ANKIB1: variants seen among roughly 807,000 people sequenced by gnomAD.
ANKIB1 encodes the protein ankyrin repeat and IBR domain-containing protein 1.
ANKIB1 carries 43 observed loss-of-function variants against 122.1 expected under a neutral mutation model. The observed-to-expected ratio is 0.35, with a 90% confidence interval of 0.28 to 0.45. The LOEUF (loss-of-function observed/expected upper bound fraction) is 0.45, where lower values mean the gene tolerates loss of function less well. Ranked by LOEUF, ANKIB1 falls within the 20% of genes least tolerant of loss-of-function variation. The probability of loss-of-function intolerance (pLI) is 1.00; values close to 1 mark genes in which losing one functional copy is unlikely to be tolerated. For missense variants in ANKIB1, 992 were observed against 1,329.5 expected (o/e 0.75, Z 3.95); for synonymous variants, 390 against 442.0 (o/e 0.88, Z 1.48).
chr7:92,329,927 A>G (rs1297186324), intron 5 of ANKIB1, among the ~76,000 whole-genome samples: 1 of 152,122 alleles, frequency 6.6e-6, no homozygotes, highest in Non-Finnish European at 1.5e-5. Flanking sequence ...TACTGCCACT[A>G]TTGTGTTCTT....
chr7:92,345,733 T>C (rs1010494068), intron 7 of ANKIB1, among the ~76,000 whole-genome samples: 1 of 152,202 alleles, frequency 6.6e-6, no homozygotes, highest in South Asian at 2.1e-4. Context: ...AAGCTATTGT[T>C]TGATGACCTA....
intron 10 of ANKIB1, among the ~76,000 whole-genome samples, chr7:92,368,181 A>G (rs1348802513): frequency 6.6e-6 from 1 of 151,944 alleles, no homozygotes; most frequent in Non-Finnish European, 1.5e-5. Context: ...ATAAAAATTC[A>G]GTTTTTAAAA....
At chr7:92,310,315 A>G (rs1802665643) in intron 3 of ANKIB1, among the ~76,000 whole-genome samples, 1 of 152,112 alleles carries the variant, frequency 6.6e-6, no homozygotes, top group Non-Finnish European at 1.5e-5. Flanking sequence ...ATTAAATATA[A>G]AACATTCTAA....
chr7:92,290,689 C>T (rs1585090934), intron 1 of ANKIB1, among the ~76,000 whole-genome samples: 1 of 152,074 alleles, frequency 6.6e-6, no homozygotes, highest in Non-Finnish European at 1.5e-5. Context: ...TAAAAGATTT[C>T]TGGGAGTAGT....
chr7:92,354,231 A>G (rs551150803), intron 9 of ANKIB1, among the ~76,000 whole-genome samples: 2 of 152,358 alleles, frequency 1.3e-5, no homozygotes, highest in East Asian at 3.9e-4. Context: ...ATGATGCTAT[A>G]AACTGTAAAT....
At chr7:92,303,339 C>G (rs1281225630) in intron 2 of ANKIB1, among the ~76,000 whole-genome samples, 1 of 152,134 alleles carries the variant, frequency 6.6e-6, no homozygotes, top group Non-Finnish European at 1.5e-5. Flanking sequence ...CATTGGCACT[C>G]AAAACATTTC....
At position 92,398,424 on chromosome 7, in the gene ANKIB1, T is replaced by G. The variant is rs748581558; in HGVS notation, c.2745T>G (p.Leu915=). ...GGGCTGCATTGAGCAGCTCTGAGCT[T>G]TTGGAACTTGGTGACAGCCTCATGA... ...SPRAALSSSE[L]LELGDSLMRL... Residue 915 remains leucine, a synonymous_variant, in exon 20 of 20, where the codon CTT becomes CTG. Transcript: ENST00000265742. 10 of 1,613,722 alleles carry G rather than the reference T, an allele frequency of 6.2e-6. No homozygotes were observed. The South Asian group carries it at 1.1e-4, about 18-fold the overall frequency.
chr7:92,287,557 A>G (rs1802157170), intron 1 of ANKIB1, among the ~76,000 whole-genome samples: 1 of 152,136 alleles, frequency 6.6e-6, no homozygotes, highest in Non-Finnish European at 1.5e-5. Flanking sequence ...CAGAGTATTA[A>G]TCTCCTGTGC....
In ANKIB1 at chr7:92,327,765, T is replaced by G; in HGVS notation, c.670-18T>G. The G allele has an allele frequency of 1.4e-6, 2 of 1,409,298 alleles. No individual in the cohort carries two copies. Among genetic ancestry groups the G allele is most frequent in the Non-Finnish European group, 1.9e-6 (2 of 1,045,768 alleles). The allele number at this position is 1,409,298 out of a possible 1,614,324, so 87.3% of individuals were successfully genotyped here. A position where few individuals can be genotyped will look rare whatever the true frequency, so the allele number is the denominator to read the frequency against. ...TGAGTATAATGCCCATTTAACTTTA[T>G]TTTTTTTCTTTTCAAAGCCATATGA... On this transcript the variant is annotated intron_variant, in intron 4 of 19. Coordinates refer to ENST00000265742, the MANE Select transcript of ANKIB1 (RefSeq NM_019004.2).
At chr7:92,349,977 C>G (rs60063984) in intron 7 of ANKIB1, among the ~76,000 whole-genome samples, 5,043 of 147,882 alleles carry the variant, frequency 0.034, 249 homozygotes, top group African/African-American at 0.11. Context: ...GAGTTTGAGA[C>G]CAACCTAGGC....
chr7:92,378,353 G>C (rs1488631913), intron 11 of ANKIB1, among the ~76,000 whole-genome samples: 1 of 151,878 alleles, frequency 6.6e-6, no homozygotes, highest in African/African-American at 2.4e-5. Context: ...CTGATTTTTA[G>C]ATTAGGGATG....
At chr7:92,257,922 A>G (rs1252327407) in intron 1 of ANKIB1, among the ~76,000 whole-genome samples, 2 of 152,134 alleles carry the variant, frequency 1.3e-5, no homozygotes, top group East Asian at 1.9e-4. Flanking sequence ...ATCTTTCTCT[A>G]TTTCTGTAAG....
intron 4 of ANKIB1, 73 bp downstream of exon 4, chr7:92,319,585 T>G (rs1169780977): frequency 7.1e-7 from 1 of 1,405,830 alleles, no homozygotes; most frequent in Non-Finnish European, 9.8e-7. Flanking sequence ...GTATTTTTCT[T>G]CTTTAAAACT....
chr7:92,252,204 G>A (rs189771458), intron 1 of ANKIB1, among the ~76,000 whole-genome samples: 11 of 152,236 alleles, frequency 7.2e-5, no homozygotes, highest in Non-Finnish European at 1.3e-4. Context: ...ATTAGTGTTT[G>A]TGGAGATGTA....
chr7:92,327,144 A>T (rs1024133347), intron 4 of ANKIB1, among the ~76,000 whole-genome samples: 1 of 152,216 alleles, frequency 6.6e-6, no homozygotes, highest in Admixed American at 6.5e-5. Context: ...TACTTTTTGT[A>T]TAATCCAAAA....
chr7:92,342,748 C>T (rs1052357796), intron 5 of ANKIB1, among the ~76,000 whole-genome samples: 1 of 152,066 alleles, frequency 6.6e-6, no homozygotes, highest in Non-Finnish European at 1.5e-5. Context: ...TTGTGAGTGA[C>T]CTGTTTTGAT....
chr7:92,269,832 A>G (rs995466221), intron 1 of ANKIB1, among the ~76,000 whole-genome samples: 1 of 151,738 alleles, frequency 6.6e-6, no homozygotes, highest in African/African-American at 2.4e-5. Context: ...GTTCTAGGGT[A>G]CATGTGTACA....
At chr7:92,290,695 G>A (rs534251443) in intron 1 of ANKIB1, among the ~76,000 whole-genome samples, 1 of 152,306 alleles carries the variant, frequency 6.6e-6, no homozygotes, top group South Asian at 2.1e-4. Flanking sequence ...ATTTCTGGGA[G>A]TAGTTTGTTA....
At chr7:92,343,463 CA>C (rs1803476001) in intron 6 of ANKIB1, among the ~76,000 whole-genome samples, 1 of 151,980 alleles carries the variant, frequency 6.6e-6, no homozygotes. Context: ...TCCTCATTTC[CA>C]AACAGAGAAC....
Sources: allele counts gnomAD v4.1 joint callset (sites outside exome capture counted in the v4.1 genomes callset), GRCh38; gene constraint gnomAD v4.1.1; transcripts MANE v1.5; gene names NCBI Gene and HGNC (gene_info 2026-07-23, HGNC 2026-07-21).